Variants in HECW2 observed in about 807,000 individuals in gnomAD.
The protein encoded by HECW2 is E3 ubiquitin-protein ligase HECW2.
A neutral mutation model predicts 175.2 loss-of-function variants in HECW2; 61 were observed. The observed-to-expected ratio is 0.35, with a 90% confidence interval of 0.28 to 0.43. HECW2 has a LOEUF of 0.43. Among genes scored for constraint, HECW2 ranks in the 20% least tolerant of loss-of-function variants. The pLI is 1.00. For synonymous variants in HECW2, 671 were observed against 731.0 expected, an observed-to-expected ratio of 0.92 and a Z score of 1.32; for missense variants, 1,524 against 2,000.5, an observed-to-expected ratio of 0.76 and a Z score of 4.54.
Position 196,278,660 on chromosome 2 carries a change from T to C in HECW2, c.3003A>G (p.Ala1001=). 1 of 1,614,008 alleles carries C rather than the reference T, an allele frequency of 6.2e-7. No individual in the cohort carries two copies. The highest frequency in any genetic ancestry group is 8.5e-7 in the Non-Finnish European group (1 of 1,179,936). The part of the protein sequence containing the change: ...WEMKHDHQGK[A]FFVDHNSRTT... ...TGCGGGAGTTGTGGTCCACAAAGAA[T>C]GCCTAGGATACAATACACTGAGTCA... Residue 1001 remains alanine, a splice_region_variant and synonymous_variant, in exon 15 of 29, where the codon GCA becomes GCG. Coordinates refer to ENST00000644978, the MANE Select transcript of HECW2 (RefSeq NM_001348768.2).
In HECW2 at chr2:196,567,678, C is replaced by T. The variant is rs750722470; in HGVS notation, c.-36+25830G>A. 8.5e-5 allele frequency among the ~76,000 whole-genome samples: 13 copies of T among 152,266 alleles called. No individual in the cohort carries two copies. In the South Asian group the frequency reaches 1.0e-3, roughly 12 times the overall value. On this transcript the variant is annotated intron_variant, in intron 1 of 28. Coordinates refer to ENST00000644978, the MANE Select transcript of HECW2 (RefSeq NM_001348768.2). ...TATTCAACCAGAATTAATTATCTAA[C>T]GCTGATATGGGCCATTATCACAAAG...
At chr2:196,202,143 G>T (rs1686880805) in intron 28 of HECW2, among the ~76,000 whole-genome samples, 1 of 152,034 alleles carries the variant, frequency 6.6e-6, no homozygotes. Flanking sequence ...AAGCAAATCT[G>T]CACTTTTGAC....
At chr2:196,544,245 C>G (rs1689327135) in intron 1 of HECW2, among the ~76,000 whole-genome samples, 1 of 152,194 alleles carries the variant, frequency 6.6e-6, no homozygotes, top group African/African-American at 2.4e-5. Context: ...GGATGGCAGG[C>G]CTCCAGCCCA....
intron 2 of HECW2, among the ~76,000 whole-genome samples, chr2:196,430,550 A>G (rs1203791358): frequency 1.3e-5 from 2 of 152,210 alleles, no homozygotes; most frequent in African/African-American, 4.8e-5. Context: ...ATATGATCTG[A>G]ATGAGTTAAC....
At chr2:196,276,710 C>A (rs1227042409) in intron 15 of HECW2, among the ~76,000 whole-genome samples, 1 of 152,320 alleles carries the variant, frequency 6.6e-6, no homozygotes, top group Middle Eastern at 3.4e-3. Context: ...TTATTAGCTA[C>A]TCATAAAACA....
chr2:196,488,625 T>C (rs1436986239), intron 1 of HECW2, among the ~76,000 whole-genome samples: 7 of 146,530 alleles, frequency 4.8e-5, no homozygotes, highest in African/African-American at 1.3e-4. Context: ...TCATGAAGAA[T>C]GAATACACAC....
intron 10 of HECW2, among the ~76,000 whole-genome samples, chr2:196,308,943 T>C (rs1691374479): frequency 1.3e-5 from 2 of 152,266 alleles, no homozygotes; most frequent in South Asian, 4.1e-4. Flanking sequence ...AGCAGAAATC[T>C]ATTCTTTAAC....
chr2:196,376,111 T>C (rs1455135807), intron 2 of HECW2, among the ~76,000 whole-genome samples: 1 of 152,202 alleles, frequency 6.6e-6, no homozygotes, highest in East Asian at 1.9e-4. Flanking sequence ...AAAAGAATAA[T>C]AACACATTCT....
At chr2:196,242,617 G>C (rs1688499568) in intron 19 of HECW2, 1 of 155,270 alleles carries the variant, frequency 6.4e-6, no homozygotes, top group African/African-American at 2.4e-5. Context: ...ATATAAGTAA[G>C]TGGCACCAAG....
intron 17 of HECW2, chr2:196,263,458 ACT>A (rs1689389605): frequency 6.6e-6 from 1 of 152,214 alleles, no homozygotes; most frequent in Non-Finnish European, 1.5e-5. Flanking sequence ...TGGATTGCCG[ACT>A]CTGCACATCC....
intron 20 of HECW2, among the ~76,000 whole-genome samples, chr2:196,241,762 T>C (rs1418052330): frequency 1.3e-5 from 2 of 152,224 alleles, no homozygotes; most frequent in Admixed American, 6.5e-5. Flanking sequence ...GACATTGGGA[T>C]AGCTTTATAG....
chr2:196,555,792 C>G (rs1353316867), intron 1 of HECW2, among the ~76,000 whole-genome samples: 1 of 152,240 alleles, frequency 6.6e-6, no homozygotes, highest in Non-Finnish European at 1.5e-5. Flanking sequence ...ATTGCTCTTA[C>G]AACAAAGTAT....
chr2:196,303,141 C>T (rs1335939224), intron 13 of HECW2, among the ~76,000 whole-genome samples: 2 of 152,120 alleles, frequency 1.3e-5, no homozygotes, highest in African/African-American at 4.8e-5. Flanking sequence ...TGAATTTTAT[C>T]GAAGGCCTTT....
chr2:196,209,507 A>G (rs1197325771), intron 28 of HECW2, among the ~76,000 whole-genome samples: 1 of 152,240 alleles, frequency 6.6e-6, no homozygotes, highest in Non-Finnish European at 1.5e-5. Context: ...ATACAGTTAT[A>G]TAGAACTGAG....
At chr2:196,449,072 G>A (rs963438835) in intron 1 of HECW2, among the ~76,000 whole-genome samples, 12 of 152,140 alleles carry the variant, frequency 7.9e-5, no homozygotes, top group South Asian at 2.1e-4. Context: ...GTGGCACCTG[G>A]TTATGTGTTA....
At chr2:196,322,740 G>T in intron 6 of HECW2, 120 bp from the exon 7 acceptor site, 2 of 775,712 alleles carry the variant, frequency 2.6e-6, no homozygotes, top group East Asian at 2.7e-5. Context: ...GTTCCACATA[G>T]CTAGAAATAG....
chr2:196,326,165 G>C (rs987901069), intron 5 of HECW2, among the ~76,000 whole-genome samples: 4 of 152,166 alleles, frequency 2.6e-5, no homozygotes, highest in Non-Finnish European at 4.4e-5. Context: ...CCAGATCCTG[G>C]ATAGTGACTC....
At chr2:196,354,231 C>T (rs1286590393) in intron 2 of HECW2, among the ~76,000 whole-genome samples, 1 of 152,202 alleles carries the variant, frequency 6.6e-6, no homozygotes, top group African/African-American at 2.4e-5. Context: ...AGCTAATTAC[C>T]ACATTGTAAC....
At chr2:196,331,349 T>C (rs10175733) in intron 4 of HECW2, 14,858 of 896,198 alleles carry the variant, frequency 0.017, 701 homozygotes, top group African/African-American at 0.15. Flanking sequence ...CTGCTGTGGC[T>C]ATCTCATCCT....
Sources: allele counts gnomAD v4.1 joint callset (sites outside exome capture counted in the v4.1 genomes callset), GRCh38; gene constraint gnomAD v4.1.1; transcripts MANE v1.5; gene names NCBI Gene and HGNC (gene_info 2026-07-23, HGNC 2026-07-21).